The following CCDC171 variants were observed in gnomAD, a reference collection of about 807,000 sequenced individuals.
CCDC171 encodes coiled-coil domain containing 171, also known as coiled-coil domain-containing protein 171.
A neutral mutation model predicts 168.2 loss-of-function variants in CCDC171; 177 were observed. The observed-to-expected ratio is 1.05, with a 90% CI of 0.93 to 1.19. The LOEUF is 1.19. CCDC171 is among the 50% of genes most tolerant of loss of function. The probability of loss-of-function intolerance (pLI) is 0.00; values close to 1 mark genes in which losing one functional copy is unlikely to be tolerated. For synonymous variants in CCDC171, 687 were observed against 540.8 expected (o/e 1.27, Z -3.75); for missense variants, 1,991 against 1,539.0 (o/e 1.29, Z -4.91).
intron 3 of CCDC171, among the ~76,000 whole-genome samples, chr9:15,571,995 G>A (rs981710060): frequency 6.6e-6 from 1 of 151,950 alleles, no homozygotes; most frequent in African/African-American, 2.4e-5. Context: ...TTAATTAATG[G>A]GTTCAATTGA....
At chr9:15,736,221 T>A (rs571690677) in intron 16 of CCDC171, among the ~76,000 whole-genome samples, 1 of 152,336 alleles carries the variant, frequency 6.6e-6, no homozygotes, top group East Asian at 1.9e-4. Context: ...GTTTTTACCA[T>A]CCTTATCTTC....
chr9:16,016,732 A>G (rs766979562), intron 3 of CCDC171, among the ~76,000 whole-genome samples: 58 of 152,228 alleles, frequency 3.8e-4, no homozygotes, highest in Non-Finnish European at 6.3e-4. Flanking sequence ...ATTTGGATGC[A>G]TTGTATTTAA....
intron 21 of CCDC171, among the ~76,000 whole-genome samples, chr9:15,794,819 T>A (rs1265897486): frequency 6.6e-6 from 1 of 152,236 alleles, no homozygotes; most frequent in Non-Finnish European, 1.5e-5. Flanking sequence ...GTAAACCCAA[T>A]GTAGTCGTGA....
chr9:15,726,345 C>T (rs1588156033), intron 14 of CCDC171, among the ~76,000 whole-genome samples: 1 of 152,114 alleles, frequency 6.6e-6, no homozygotes, highest in South Asian at 2.1e-4. Flanking sequence ...TGGTTTATCA[C>T]AGCCCAAGCA....
chr9:15,922,984 C>T (rs574111960), intron 25 of CCDC171, among the ~76,000 whole-genome samples: 7 of 151,644 alleles, frequency 4.6e-5, no homozygotes, highest in African/African-American at 1.7e-4. Flanking sequence ...GTATAGCTTG[C>T]AAATATTTTC....
At chr9:15,918,479 A>G (rs1824858374) in intron 24 of CCDC171, among the ~76,000 whole-genome samples, 1 of 151,222 alleles carries the variant, frequency 6.6e-6, no homozygotes, top group African/African-American at 2.4e-5. Flanking sequence ...ATCTCAATGG[A>G]GAAGATACAT....
intron 7 of CCDC171, among the ~76,000 whole-genome samples, chr9:15,649,637 C>G (rs944776367): frequency 2.0e-5 from 3 of 152,122 alleles, no homozygotes; most frequent in African/African-American, 7.2e-5. Flanking sequence ...AGCCAACAGA[C>G]ACATGAAAAA....
chr9:15,605,699 A>G (rs1014545772), intron 6 of CCDC171, among the ~76,000 whole-genome samples: 1 of 147,324 alleles, frequency 6.8e-6, no homozygotes, highest in African/African-American at 2.5e-5. Flanking sequence ...AAAAAAAAAG[A>G]AAAAAAAAAG....
At chr9:15,645,765 G>A (rs528505162) in intron 7 of CCDC171, among the ~76,000 whole-genome samples, 7 of 152,182 alleles carry the variant, frequency 4.6e-5, no homozygotes, top group Non-Finnish European at 7.4e-5. Flanking sequence ...CCACATCTAC[G>A]TCTGATTGGT....
chr9:15,640,014 G>A (rs1340812528), intron 7 of CCDC171, among the ~76,000 whole-genome samples: 2 of 152,118 alleles, frequency 1.3e-5, no homozygotes, highest in Non-Finnish European at 2.9e-5. Flanking sequence ...ACCTAGTATG[G>A]CATCTGGCAT....
intron 25 of CCDC171, among the ~76,000 whole-genome samples, chr9:15,949,180 A>G (rs1231291047): frequency 6.6e-6 from 1 of 152,032 alleles, no homozygotes; most frequent in Admixed American, 6.6e-5. Context: ...CCATTGATCT[A>G]TATCTCAGTT....
chr9:15,798,235 A>G (rs2058654764), intron 21 of CCDC171, among the ~76,000 whole-genome samples: 1 of 152,094 alleles, frequency 6.6e-6, no homozygotes, highest in South Asian at 2.1e-4. Flanking sequence ...CCATTATTAT[A>G]TTTTTAATGC....
In CCDC171 at chr9:15,809,809, C is replaced by T. The variant is rs181682312; in HGVS notation, c.3267+25115C>T. On this transcript the variant is annotated intron_variant, in intron 21 of 25. Transcript: ENST00000380701. ...AGCTTCCACAATGTGGAAGAGGACC[C>T]GAACGGGTTGCCACTGCTGCCTGGG... is the stretch of plus-strand genomic sequence containing the variant. Among the ~76,000 whole-genome samples, 669 of 152,278 alleles carry T rather than the reference C, an allele frequency of 4.4e-3. 2 individuals carry two copies. The highest frequency in any genetic ancestry group is 7.1e-3 in the Non-Finnish European group (481 of 68,008).
intron 25 of CCDC171, among the ~76,000 whole-genome samples, chr9:15,937,627 G>C (rs1270673582): frequency 1.3e-5 from 2 of 151,868 alleles, no homozygotes; most frequent in African/African-American, 4.8e-5. Flanking sequence ...AAGCACACTG[G>C]GGAGTTGAAC....
chr9:15,623,216 G>A (rs752731681), intron 6 of CCDC171, 51 bp from the exon 7 acceptor site: 1 of 1,408,352 alleles, frequency 7.1e-7, no homozygotes. Context: ...GTGACTCTTA[G>A]TCATTGATGG....
chr9:15,767,148 A>G (rs1178316040), intron 18 of CCDC171, among the ~76,000 whole-genome samples: 1 of 152,226 alleles, frequency 6.6e-6, no homozygotes, highest in Non-Finnish European at 1.5e-5. Context: ...ACAAATTGTC[A>G]CAATCTGTGG....
the CCDC171 span, among the ~76,000 whole-genome samples, chr9:16,095,509 G>GTCTC: frequency 0.099 from 15,026 of 151,462 alleles, 1,688 homozygotes; most frequent in African/African-American, 0.28. Context: ...TTCCGTCTCT[G>GTCTC]TCTCTCTTCT....
At chr9:15,879,375 G>A (rs1818291723) in intron 24 of CCDC171, among the ~76,000 whole-genome samples, 1 of 151,958 alleles carries the variant, frequency 6.6e-6, no homozygotes, top group South Asian at 2.1e-4. Context: ...TATATACAAT[G>A]TGCAATGATC....
intron 25 of CCDC171, among the ~76,000 whole-genome samples, chr9:15,943,916 T>C (rs1376412290): frequency 6.6e-6 from 1 of 151,936 alleles, no homozygotes; most frequent in African/African-American, 2.4e-5. Flanking sequence ...TAAGAAGTTG[T>C]ATTTGAGCTT....
Sources: allele counts gnomAD v4.1 joint callset (sites outside exome capture counted in the v4.1 genomes callset), GRCh38; gene constraint gnomAD v4.1.1; transcripts MANE v1.5; gene names NCBI Gene and HGNC (gene_info 2026-07-23, HGNC 2026-07-21).